Variants in CHCT1 observed in about 807,000 individuals in gnomAD.
The protein encoded by CHCT1 is CHD1 helical C-terminal domain containing protein 1.
chr17:60,426,616 T>C, the CHCT1 span: 1 of 1,365,080 alleles, frequency 7.3e-7, no homozygotes, highest in Non-Finnish European at 9.9e-7. Flanking sequence ...CAAAGGGGCA[T>C]GTGGCCCATA....
chr17:60,428,231 G>A, the CHCT1 span, among the ~76,000 whole-genome samples: 4 of 152,164 alleles, frequency 2.6e-5, no homozygotes, highest in African/African-American at 9.7e-5. Flanking sequence ...GGGAAGTAAG[G>A]TAATTTGTCG....
the CHCT1 span, chr17:60,421,914 G>A: frequency 4.8e-5 from 47 of 985,486 alleles, no homozygotes; most frequent in Non-Finnish European, 5.4e-5. Context: ...CGGGACCGCT[G>A]CGGTACCTGC....
At chr17:60,426,578 AC>A in the CHCT1 span, 1 of 1,235,564 alleles carries the variant, frequency 8.1e-7, no homozygotes, top group Non-Finnish European at 1.1e-6. Context: ...GCAAATCCCC[AC>A]CCCTCCATTC....
chr17:60,431,370 T>G, the CHCT1 span: 2 of 774,998 alleles, frequency 2.6e-6, no homozygotes, highest in Non-Finnish European at 4.2e-6. Flanking sequence ...GATTCTCAGG[T>G]CTTAATTAGG....
At chr17:60,424,138 C>T in the CHCT1 span, among the ~76,000 whole-genome samples, 1 of 152,272 alleles carries the variant, frequency 6.6e-6, no homozygotes, top group East Asian at 1.9e-4. Context: ...TTAATTGGGG[C>T]AGGGAGGGCA....
At chr17:60,424,719 C>A in the CHCT1 span, among the ~76,000 whole-genome samples, 65 of 152,060 alleles carry the variant, frequency 4.3e-4, no homozygotes, top group Admixed American at 2.4e-3. Context: ...ACTAAAAATA[C>A]AAAATTAGCC....
the CHCT1 span, among the ~76,000 whole-genome samples, chr17:60,430,641 T>C: frequency 1.3e-5 from 2 of 152,148 alleles, no homozygotes. Flanking sequence ...CCACCACACC[T>C]GGCTATTTTT....
the CHCT1 span, among the ~76,000 whole-genome samples, chr17:60,430,216 C>T: frequency 4.8e-5 from 7 of 144,478 alleles, no homozygotes; most frequent in South Asian, 1.6e-3. Context: ...GATTTATTCC[C>T]TATTGCTTCC....
the CHCT1 span, among the ~76,000 whole-genome samples, chr17:60,423,040 G>A: frequency 6.6e-6 from 1 of 152,066 alleles, no homozygotes; most frequent in East Asian, 1.9e-4. Context: ...AGAGTGGTCT[G>A]GACGGGATCT....
the CHCT1 span, chr17:60,426,232 G>C: frequency 1.3e-6 from 2 of 1,551,946 alleles, no homozygotes; most frequent in Non-Finnish European, 1.7e-6. Flanking sequence ...TTCCCCAGAA[G>C]AAGAAGCTGA....
the CHCT1 span, among the ~76,000 whole-genome samples, chr17:60,423,573 C>T: frequency 1.3e-5 from 2 of 152,152 alleles, no homozygotes; most frequent in Non-Finnish European, 2.9e-5. Flanking sequence ...CAGCAATTCT[C>T]CTGCCCCAGC....
the CHCT1 span, among the ~76,000 whole-genome samples, chr17:60,426,560 A>G: frequency 2.0e-5 from 3 of 152,134 alleles, no homozygotes; most frequent in Non-Finnish European, 4.4e-5. Flanking sequence ...TAGGATATTC[A>G]AGTTTGGGCA....
At chr17:60,423,031 G>C in the CHCT1 span, among the ~76,000 whole-genome samples, 1 of 152,082 alleles carries the variant, frequency 6.6e-6, no homozygotes, top group African/African-American at 2.4e-5. Flanking sequence ...TTTCCCTTCA[G>C]AGTGGTCTGG....
At chr17:60,428,485 ATTTTT>A in the CHCT1 span, among the ~76,000 whole-genome samples, 1 of 134,426 alleles carries the variant, frequency 7.4e-6, no homozygotes, top group African/African-American at 2.8e-5. Context: ...ATTGGCCTGA[ATTTTT>A]TTTTTTTTTT....
the CHCT1 span, among the ~76,000 whole-genome samples, chr17:60,428,766 C>A: frequency 1.3e-5 from 2 of 151,998 alleles, no homozygotes; most frequent in African/African-American, 4.8e-5. Context: ...GGACTACAGG[C>A]ATGAGCCACC....
the CHCT1 span, among the ~76,000 whole-genome samples, chr17:60,427,703 G>A: frequency 2.0e-5 from 3 of 152,072 alleles, no homozygotes; most frequent in African/African-American, 2.4e-5. Context: ...GTGAGCCATC[G>A]CGCCCAGCCT....
chr17:60,425,637 A>G, the CHCT1 span: 1 of 593,890 alleles, frequency 1.7e-6, no homozygotes, highest in East Asian at 2.8e-5. Context: ...TTCTTTGCCC[A>G]AGGCTCACTC....
chr17:60,427,924 C>T, the CHCT1 span, among the ~76,000 whole-genome samples: 12 of 152,142 alleles, frequency 7.9e-5, 1 homozygote, highest in South Asian at 1.5e-3. Context: ...GTCATATCGT[C>T]GGGATCATAC....
chr17:60,421,965 A>T, the CHCT1 span: 7 of 984,838 alleles, frequency 7.1e-6, no homozygotes, highest in Non-Finnish European at 8.4e-6. Flanking sequence ...GCCCGTAGGC[A>T]CTGGCGGGGA....
Sources: gnomAD v4.1 joint callset for allele counts (sites outside exome capture counted in the v4.1 genomes callset) on GRCh38, gnomAD v4.1.1 for gene constraint, MANE v1.5 for transcripts, NCBI Gene and HGNC (gene_info 2026-07-23, HGNC 2026-07-21) for gene names.